Variants in WDR74 observed in about 807,000 individuals in gnomAD.
WDR74 encodes WD repeat domain 74.
A neutral mutation model predicts 45.6 loss-of-function variants in WDR74; 31 were observed. That is an observed-to-expected ratio of 0.68 (90% confidence interval 0.51 to 0.92). The LOEUF (loss-of-function observed/expected upper bound fraction) is 0.92. Ranked by LOEUF, WDR74 falls within the 40% of genes least tolerant of loss-of-function variation. The pLI is 0.00. For synonymous variants in WDR74, 191 were observed against 192.4 expected (o/e 0.99, Z 0.06); for missense variants, 455 against 497.2 (o/e 0.92, Z 0.81).
intron 3 of WDR74, among the ~76,000 whole-genome samples, chr11:62,837,521 A>C (rs1443117181): frequency 3.3e-5 from 5 of 151,812 alleles, no homozygotes; most frequent in East Asian, 1.9e-4. Flanking sequence ...AAAACAAAAA[A>C]AAAAAAACGC....
upstream of WDR74, chr11:62,841,590 A>AT (rs1448976806): frequency 2.6e-5 from 4 of 152,228 alleles, no homozygotes; most frequent in Non-Finnish European, 5.9e-5. Context: ...GAAATCTTCC[A>AT]TTAAACAACG....
chr11:62,835,510 A>C lies in WDR74; in HGVS notation c.539T>G (p.Leu180Trp). 6.2e-7 allele frequency: 1 copy of C among 1,613,956 alleles called. No homozygotes were observed. Among genetic ancestry groups the C allele is most frequent in the Non-Finnish European group, 8.5e-7 (1 of 1,179,864 alleles). The change falls in exon 6 of 11, where the codon TTG becomes TGG. Residue 180 changes from leucine (L) to tryptophan (W), a missense_variant. Coordinates refer to ENST00000278856, the MANE Select transcript of WDR74 (RefSeq NM_001369450.1). ...AKNVRNDWLD[L>W]RVPIWDQDIQ... ...GTCCTGGTCCCAGATGGGAACCCGC[A>C]AGTCCAGCCAGTCATTCCGCACCTG...
At chr11:62,841,770 G>C (rs531055361), upstream of WDR74, 2 of 152,224 alleles carry the variant, frequency 1.3e-5, no homozygotes, top group African/African-American at 4.8e-5. Context: ...GATAAGAACA[G>C]ATACTACACT....
At chr11:62,838,300 G>A (rs1466143964) in intron 3 of WDR74, among the ~76,000 whole-genome samples, 3 of 151,954 alleles carry the variant, frequency 2.0e-5, no homozygotes, top group Non-Finnish European at 4.4e-5. Context: ...TTACAGGCAT[G>A]AGCCACCACA....
chr11:62,839,385 T>C lies in WDR74; in HGVS notation c.108A>G (p.Gly36=), dbSNP rs779145574. 6.2e-7 allele frequency: 1 copy of C among 1,612,820 alleles called. No homozygotes were observed. The highest frequency in any genetic ancestry group is 1.1e-5 in the South Asian group (1 of 91,080). Reference sequence around the variant, plus strand: ...CTGCCTCCTCGCGCCGCGGCTGTCCTCCGGCCGTGAAGTTCGCCGCCTGTT... The same window carrying C: ...CTGCCTCCTCGCGCCGCGGCTGTCCCCCGGCCGTGAAGTTCGCCGCCTGTT... ...QRKQAANFTA[G]GQPRREEAVS... is the part of the protein sequence containing the mutation. Residue 36 remains glycine (G), a synonymous_variant, in exon 2 of 11, where the codon GGA becomes GGG. Transcript: ENST00000278856.
At chr11:62,833,296 TAAAAAAAAAAAAAA>T (rs1048706100) in intron 10 of WDR74, among the ~76,000 whole-genome samples, 165 bp from the exon 11 acceptor site, 5 of 50,864 alleles carry the variant, frequency 9.8e-5, no homozygotes, top group African/African-American at 2.1e-4. Flanking sequence ...AAAAGAAGTT[TAAAAAAAAAAAAAA>T]AAAAAAAAAA....
At chr11:62,834,160 C>T in intron 8 of WDR74, 116 bp downstream of exon 8, 2 of 1,525,526 alleles carry the variant, frequency 1.3e-6, no homozygotes, top group Non-Finnish European at 1.8e-6. Context: ...AGGATTTAAA[C>T]CCAGGCAATC....
At chr11:62,835,329 A>G in intron 6 of WDR74, 102 bp downstream of exon 6, 1 of 1,088,506 alleles carries the variant, frequency 9.2e-7, no homozygotes, top group African/African-American at 1.6e-5. Flanking sequence ...TGCTCCTCTG[A>G]ACTCAGAATG....
chr11:62,833,296 TAAAAAAAAAAAAAAA>T (rs1048706100), intron 10 of WDR74, among the ~76,000 whole-genome samples, 165 bp from the exon 11 acceptor site: 2 of 50,862 alleles, frequency 3.9e-5, no homozygotes, highest in South Asian at 5.3e-4. Flanking sequence ...AAAAGAAGTT[TAAAAAAAAAAAAAAA>T]AAAAAAAAAA....
chr11:62,835,536 G>C lies in WDR74; in HGVS notation c.517-4C>G. The C allele has an allele frequency of 6.2e-7, 1 of 1,613,916 alleles. No individual in the cohort carries two copies. Among genetic ancestry groups the C allele is most frequent in the Non-Finnish European group, 8.5e-7 (1 of 1,179,850 alleles). On this transcript the variant is annotated splice_region_variant and splice_polypyrimidine_tract_variant and intron_variant, in intron 5 of 10. Transcript: ENST00000278856. Reference sequence around the variant, plus strand: ...AGTCCAGCCAGTCATTCCGCACCTGGTGGGGTGGGCAGATGGAGGACAGGG... The same window carrying C: ...AGTCCAGCCAGTCATTCCGCACCTGCTGGGGTGGGCAGATGGAGGACAGGG...
At chr11:62,835,591 C>T in intron 5 of WDR74, 59 bp from the exon 6 acceptor site, 1 of 1,613,004 alleles carries the variant, frequency 6.2e-7, no homozygotes, top group Non-Finnish European at 8.5e-7. Context: ...CCCCTGTTTT[C>T]AGCCCTCCTT....
At position 62,835,996 on chromosome 11, in the gene WDR74, A is replaced by G. The variant is rs1158523216; in HGVS notation, c.334T>C (p.Trp112Arg). 6.3e-7 allele frequency: 1 copy of G among 1,597,868 alleles called. No individual in the cohort carries two copies. The highest frequency in any genetic ancestry group is 8.5e-7 in the Non-Finnish European group (1 of 1,172,180). The change falls in exon 4 of 11, where the codon TGG (tryptophan) becomes CGG (arginine). Residue 112 changes from tryptophan to arginine, a missense_variant. Transcript: ENST00000278856. ...GATGTGTCCTTGTCCTTGTCATGCC[A>G]GACTCTGAGAATCCCAGAATCCACA... ...TCVDSGILRVWHDKDKDTSSD... is the reference protein window; with the variant it reads ...TCVDSGILRVRHDKDKDTSSD...
At chr11:62,840,960 G>A (rs545820626), upstream of WDR74, among the ~76,000 whole-genome samples, 2 of 152,238 alleles carry the variant, frequency 1.3e-5, no homozygotes, top group South Asian at 2.1e-4. Context: ...CGAGGCGGGC[G>A]GATCACGAGC....
chr11:62,841,633 T>C (rs368191601), upstream of WDR74: 20 of 152,220 alleles, frequency 1.3e-4, no homozygotes, highest in African/African-American at 4.8e-4. Flanking sequence ...AGTGCACCGT[T>C]CCTGGAAGTA....
upstream of WDR74, chr11:62,839,661 T>C (rs2085019449): frequency 6.8e-7 from 1 of 1,474,788 alleles, no homozygotes; most frequent in Non-Finnish European, 9.1e-7. Flanking sequence ...GTGTAGTTGC[T>C]GGAAGTTTGA....
chr11:62,835,381 C>T, intron 6 of WDR74, 50 bp downstream of exon 6: 2 of 1,570,352 alleles, frequency 1.3e-6, no homozygotes, highest in Middle Eastern at 1.7e-4. Context: ...GCCATTTCTC[C>T]AGGAGGCTGC....
In WDR74 at chr11:62,839,541, A is replaced by T; in HGVS notation, c.30T>A (p.His10Gln). MAAAAARWN[H>Q]VWVGTETGIL... ...TCCCAGTCTCGGTGCCGACCCACAC[A>T]TGGTTCCAGCGTGCAGCAGCAGCCG... Residue 10 changes from histidine to glutamine, a missense_variant, in exon 1 of 11, where the codon CAT becomes CAA. His to Gln is a conservative substitution (Grantham distance 24). Transcript: ENST00000278856. 6.2e-7 allele frequency: 1 copy of T among 1,613,266 alleles called. No homozygotes were observed. Among genetic ancestry groups the T allele is most frequent in the Non-Finnish European group, 8.5e-7 (1 of 1,179,712 alleles).
upstream of WDR74, chr11:62,841,524 C>G (rs143239599): frequency 2.0e-5 from 3 of 151,980 alleles, no homozygotes; most frequent in African/African-American, 7.2e-5. Flanking sequence ...GATAAAAACA[C>G]CTAATCCAAC....
chr11:62,833,770 G>A (rs754628014), intron 9 of WDR74, 22 bp downstream of exon 9: 5 of 1,611,706 alleles, frequency 3.1e-6, no homozygotes, highest in Middle Eastern at 1.6e-4. Flanking sequence ...ACCATGAGTT[G>A]GAGGTGGGAG....
Sources: allele counts gnomAD v4.1 joint callset (sites outside exome capture counted in the v4.1 genomes callset), GRCh38; gene constraint gnomAD v4.1.1; transcripts MANE v1.5; gene names NCBI Gene and HGNC (gene_info 2026-07-23, HGNC 2026-07-21).